GAMT: variants seen among roughly 807,000 people sequenced by gnomAD.
The protein encoded by GAMT is epididymis secretory protein Li 20.
GAMT carries 26 observed loss-of-function variants against 26.9 expected under a neutral mutation model. That is an observed-to-expected ratio of 0.97 (90% confidence interval 0.71 to 1.34). The LOEUF (loss-of-function observed/expected upper bound fraction) is 1.34. GAMT is among the 40% of genes most tolerant of loss of function. The probability of loss-of-function intolerance (pLI) is 0.00; values close to 1 mark genes in which losing one functional copy is unlikely to be tolerated. For synonymous variants in GAMT, 169 were observed against 149.6 expected, an observed-to-expected ratio of 1.13 and a Z score of -0.95; for missense variants, 412 against 345.0, an observed-to-expected ratio of 1.19 and a Z score of -1.54.
At position 1,398,162 on chromosome 19, in the gene GAMT, A is replaced by G. The variant is rs1052813251; in HGVS notation, c.571-663T>C. The G allele has an allele frequency of 5.2e-5, 45 of 863,406 alleles. No homozygotes were observed. The African/African-American group carries it at 8.2e-4, about 16-fold the overall frequency. 53.5% of individuals were successfully genotyped at this position (863,406 alleles called of 1,614,324 possible). A position where few individuals can be genotyped will look rare whatever the true frequency, so the allele number is the denominator to read the frequency against. On this transcript the variant is annotated intron_variant, in intron 5 of 5. Transcript: ENST00000252288. The stretch of plus-strand genomic sequence containing the variant: ...GCCCAGGCTGGAGTACAACGGTGCA[A>G]TCTCGGCTCACAGCAACCTCCGCCT...
At position 1,399,549 on chromosome 19, in the gene GAMT, G is replaced by C. The variant is rs760486090; in HGVS notation, c.366C>G (p.Pro122=). The C allele has an allele frequency of 3.7e-6, 6 of 1,613,118 alleles. No individual in the cohort carries two copies. In the African/African-American group the frequency reaches 8.0e-5, roughly 22 times the overall value. ...CATCAAAGTGACCGTCAGGCAGGGT[G>C]GGTGCCACATCCTCCCACAGGCCTT... ...PLKGLWEDVA[P]TLPDGHFDGI... is the part of the protein sequence containing the mutation. Residue 122 remains proline, a synonymous_variant, in exon 3 of 6, where the codon CCC becomes CCG. Coordinates refer to ENST00000252288, the MANE Select transcript of GAMT (RefSeq NM_000156.6). The surrounding 1 kb of genome is among the most constrained non-coding windows in gnomAD (Gnocchi z 6.2).
rs2082605168 is a variant in GAMT at position 1,397,276 on chromosome 19, G to A, written c.*83C>T. ...TTCTGGTGACACACAGCTGGGATCA[G>A]CCCAGGGCTGGTGCGACACCCTGGA... On this transcript the variant is annotated 3_prime_UTR_variant, in exon 6 of 6. Transcript: ENST00000252288. 1.3e-6 allele frequency: 2 copies of A among 1,491,778 alleles called. No homozygotes were observed. Among genetic ancestry groups the A allele is most frequent in the Non-Finnish European group, 1.8e-6 (2 of 1,104,368 alleles). The allele number at this position is 1,491,778 out of a possible 1,614,324, so 92.4% of individuals were successfully genotyped here. A position where few individuals can be genotyped will look rare whatever the true frequency, so the allele number is the denominator to read the frequency against.
chr19:1,397,873 G>A (rs1033060545), intron 5 of GAMT: 3 of 1,134,418 alleles, frequency 2.6e-6, no homozygotes, highest in Admixed American at 4.3e-5. Context: ...CAGGCACCCA[G>A]CCGGCTCTCA....
chr19:1,400,266 G>C lies in GAMT; in HGVS notation c.182-328C>G, dbSNP rs191645363. On this transcript the variant is annotated intron_variant, in intron 1 of 5. Coordinates refer to ENST00000252288, the MANE Select transcript of GAMT (RefSeq NM_000156.6). ...AGGGCTGGGGAGGCTTCCTGGAGGAGGGGGCACAGGGTAGGGCAGGGCTGA... is the reference window on the plus strand; with the variant it reads ...AGGGCTGGGGAGGCTTCCTGGAGGACGGGGCACAGGGTAGGGCAGGGCTGA... Among the ~76,000 whole-genome samples the C allele has an allele frequency of 1.0e-4, 15 of 147,624 alleles. No individual in the cohort carries two copies. In the East Asian group the frequency reaches 3.0e-3, roughly 30 times the overall value.
Position 1,397,516 on chromosome 19 carries a change from C to G in GAMT, c.571-17G>C. 1.2e-6 allele frequency: 2 copies of G among 1,600,784 alleles called. No individual in the cohort carries two copies. ...CTGCGTCTCCTGGTCGGGGATGGCA[C>G]CAGGTCACCTCTGAGGGCCATGGGG... is the stretch of plus-strand genomic sequence containing the variant. On this transcript the variant is annotated splice_polypyrimidine_tract_variant and intron_variant, in intron 5 of 5. Coordinates refer to ENST00000252288, the MANE Select transcript of GAMT (RefSeq NM_000156.6).
Position 1,398,996 on chromosome 19 carries a change from C to G in GAMT, c.490G>C (p.Gly164Arg). ...NHAFRLLKPG[G>R]VLTYCNLTSW... Reference sequence around the variant, plus strand: ...GTGAGGTTGCAGTAGGTGAGGACGCCCCCCGGCTTCAGCAGGCGAAAGGCG... The same window carrying G: ...GTGAGGTTGCAGTAGGTGAGGACGCGCCCCGGCTTCAGCAGGCGAAAGGCG... Residue 164 changes from glycine to arginine, a missense_variant, in exon 5 of 6, where the codon GGC (glycine) becomes CGC (arginine). Gly to Arg is a moderately radical substitution (Grantham distance 125). Coordinates refer to ENST00000252288, the MANE Select transcript of GAMT (RefSeq NM_000156.6). 3 of 1,613,430 alleles carry G rather than the reference C, an allele frequency of 1.9e-6. No individual in the cohort carries two copies. Among genetic ancestry groups the G allele is most frequent in the Non-Finnish European group, 2.5e-6 (3 of 1,179,980 alleles).
In GAMT at chr19:1,397,357, G is replaced by C. The variant is rs148733734; in HGVS notation, c.*2C>G. On this transcript the variant is annotated 3_prime_UTR_variant, in exon 6 of 6. Coordinates refer to ENST00000252288, the MANE Select transcript of GAMT (RefSeq NM_000156.6). ...TGGGTGTGGCCGGGCCGGGGTGGGG[G>C]CTCAGCCTTTGGTCACCAGGGGCGT... 341 of 1,609,686 alleles carry C rather than the reference G, an allele frequency of 2.1e-4. 5 individuals are homozygous for C. Among genetic ancestry groups the C allele is most frequent in the Non-Finnish European group, 2.2e-4 (256 of 1,179,068 alleles).
At chr19:1,400,017 G>A (rs1335859458) in intron 1 of GAMT, 79 bp from the exon 2 acceptor site, 3 of 1,525,570 alleles carry the variant, frequency 2.0e-6, no homozygotes, top group Admixed American at 3.9e-5. Context: ...ACAGGGCAGG[G>A]CAGGGCTGGG....
intron 5 of GAMT, 119 bp downstream of exon 5, chr19:1,398,797 C>A: frequency 6.4e-7 from 1 of 1,555,492 alleles, no homozygotes; most frequent in Non-Finnish European, 8.7e-7. Flanking sequence ...CACAGTCCAG[C>A]CCACCCAGGG....
intron 5 of GAMT, 122 bp from the exon 6 acceptor site, chr19:1,397,621 G>A (rs926011960): frequency 1.3e-5 from 19 of 1,475,542 alleles, no homozygotes; most frequent in African/African-American, 4.1e-5. Context: ...TGCAGCTCCC[G>A]TGGGCACGTG....
rs1270051281 is a variant in GAMT at position 1,399,810 on chromosome 19, G to A, written c.310C>T (p.Pro104Ser). The change falls in exon 2 of 6, where the codon CCA becomes TCA. Residue 104 changes from proline to serine, a missense_variant. Transcript: ENST00000252288. This position sits in a 1 kb window ranked among gnomAD's most constrained non-coding sequence, Gnocchi z 6.2. The part of the protein sequence containing the change: ...GVFQRLRDWA[P>S]RQTHKVIPLK... Reference sequence around the variant, plus strand: ...AGGGGCACCTTGTGTGTCTGCCGTGGGGCCCAGTCCCGGAGCCGCTGGAAG... The same window carrying A: ...AGGGGCACCTTGTGTGTCTGCCGTGAGGCCCAGTCCCGGAGCCGCTGGAAG... 1.3e-6 allele frequency: 2 copies of A among 1,573,464 alleles called. No homozygotes were observed. Among genetic ancestry groups the A allele is most frequent in the Non-Finnish European group, 1.7e-6 (2 of 1,160,342 alleles).
chr19:1,398,734 G>C (rs2082615064), intron 5 of GAMT, 182 bp downstream of exon 5: 1 of 1,544,054 alleles, frequency 6.5e-7, no homozygotes, highest in Non-Finnish European at 8.7e-7. Flanking sequence ...CTGAGCCACT[G>C]CTCCTGGCAG....
rs1024750817 is a variant in GAMT at position 1,399,272 on chromosome 19, G to A, written c.392-77C>T. 2.4e-5 allele frequency: 36 copies of A among 1,502,430 alleles called. No individual in the cohort carries two copies. Among genetic ancestry groups the A allele is most frequent in the Non-Finnish European group, 3.2e-5 (35 of 1,079,970 alleles). 93.1% of individuals were successfully genotyped at this position (1,502,430 alleles called of 1,614,324 possible). On this transcript the variant is annotated intron_variant, in intron 3 of 5. Coordinates refer to ENST00000252288, the MANE Select transcript of GAMT (RefSeq NM_000156.6). The surrounding 1 kb of genome is among the most constrained non-coding windows in gnomAD (Gnocchi z 6.2). ...CCAGCCTCACCCGGCTCATCCCCCA[G>A]CGGGTGGAGGTGCAGTGAGACGGGG...
At position 1,398,957 on chromosome 19, in the gene GAMT, G is replaced by A. The variant is rs750356640; in HGVS notation, c.529C>T (p.Leu177=). The A allele has an allele frequency of 1.1e-5, 17 of 1,613,374 alleles. No individual in the cohort carries two copies. The South Asian group carries it at 1.2e-4, about 11-fold the overall frequency. Reference sequence around the variant, plus strand: ...ATGTCTGAGTACTTGGACTTCATCAGCTCCCCCCAGGAGGTGAGGTTGCAG... The same window carrying A: ...ATGTCTGAGTACTTGGACTTCATCAACTCCCCCCAGGAGGTGAGGTTGCAG... ...TYCNLTSWGE[L]MKSKYSDITI... Residue 177 remains leucine (L), a synonymous_variant, in exon 5 of 6, where the codon CTG becomes TTG. Transcript: ENST00000252288.
At position 1,399,793 on chromosome 19, in the gene GAMT, C is replaced by A; in HGVS notation, c.327G>T (p.Lys109Asn). ...LRDWAPRQTH[K>N]VIPLKGLWED... ...GGAGGGCCTGCGGGCAGAGGGGCAC[C>A]TTGTGTGTCTGCCGTGGGGCCCAGT... The change falls in exon 2 of 6, where the codon AAG becomes AAT. Residue 109 changes from lysine to asparagine, a missense_variant and splice_region_variant. Transcript: ENST00000252288. The surrounding 1 kb of genome is among the most constrained non-coding windows in gnomAD (Gnocchi z 6.2). 1 of 1,562,540 alleles carries A rather than the reference C, an allele frequency of 6.4e-7. No individual in the cohort carries two copies. Among genetic ancestry groups the A allele is most frequent in the Non-Finnish European group, 8.7e-7 (1 of 1,154,402 alleles).
chr19:1,399,000 C>T lies in GAMT; in HGVS notation c.486G>A (p.Pro162=), dbSNP rs368650653. The change falls in exon 5 of 6, where the codon CCG becomes CCA. Residue 162 remains proline (P), a synonymous_variant. Transcript: ENST00000252288. ...IKNHAFRLLK[P]GGVLTYCNLT... is the part of the protein sequence containing the mutation. ...GGTTGCAGTAGGTGAGGACGCCCCC[C>T]GGCTTCAGCAGGCGAAAGGCGTGGT... The T allele has an allele frequency of 5.0e-5, 81 of 1,613,330 alleles. No individual in the cohort carries two copies. The highest frequency in any genetic ancestry group is 3.4e-4 in the South Asian group (31 of 91,088).
rs2082634189 is a variant in GAMT, at chr19:1,401,496, C to A, written c.-20G>T. The A allele has an allele frequency of 7.7e-7, 1 of 1,300,256 alleles. No individual in the cohort carries two copies. Among genetic ancestry groups the A allele is most frequent in the African/African-American group, 1.5e-5 (1 of 64,724 alleles). The allele number at this position is 1,300,256 out of a possible 1,614,324, so 80.5% of individuals were successfully genotyped here. A position where few individuals can be genotyped will look rare whatever the true frequency, so the allele number is the denominator to read the frequency against. ...GCTCATGCTGCAGGCTGGACGGCGA[C>A]CCGACCTCGATCGCGCGCCGCCCGG... On this transcript the variant is annotated 5_prime_UTR_variant, in exon 1 of 6. Transcript: ENST00000252288.
intron 5 of GAMT, chr19:1,397,876 G>A (rs1487758785): frequency 7.9e-6 from 9 of 1,135,180 alleles, no homozygotes; most frequent in South Asian, 2.1e-5. Flanking sequence ...GCACCCAGCC[G>A]GCTCTCACAA....
At chr19:1,401,219 G>C in intron 1 of GAMT, 77 bp downstream of exon 1, 4 of 1,209,134 alleles carry the variant, frequency 3.3e-6, no homozygotes, top group Non-Finnish European at 4.3e-6. Flanking sequence ...GTGGGCTGCA[G>C]AGTCCCCGGG....
Sources: allele counts gnomAD v4.1 joint callset (sites outside exome capture counted in the v4.1 genomes callset), GRCh38; gene constraint gnomAD v4.1.1; non-coding constraint Gnocchi (gnomAD v3.1); transcripts MANE v1.5; gene names NCBI Gene and HGNC (gene_info 2026-07-23, HGNC 2026-07-21).